AKT3: variants seen among roughly 807,000 people sequenced by gnomAD.
The protein encoded by AKT3 is AKT serine/threonine kinase 3, also known as RAC-gamma serine/threonine-protein kinase.
A neutral mutation model predicts 65.3 loss-of-function variants in AKT3; 15 were observed. The observed-to-expected ratio is 0.23, with a 90% CI of 0.15 to 0.35. The LOEUF is 0.35. AKT3 is among the 10% of genes least tolerant of loss of function. The pLI, the probability that AKT3 is intolerant of heterozygous loss-of-function variation, is 1.00. For missense variants in AKT3, 243 were observed against 576.5 expected, an observed-to-expected ratio of 0.42 and a Z score of 5.92; for synonymous variants, 206 against 183.8, an observed-to-expected ratio of 1.12 and a Z score of -0.98.
intron 4 of AKT3, among the ~76,000 whole-genome samples, chr1:243,649,313 A>ATGTGTGTG (rs55765060): frequency 6.3e-4 from 92 of 146,022 alleles, no homozygotes; most frequent in African/African-American, 2.1e-3. Context: ...TTATGTGTAT[A>ATGTGTGTG]TGTGTGTGTG....
upstream of AKT3, chr1:243,850,266 G>C (rs879037550): frequency 7.2e-4 from 113 of 156,092 alleles, no homozygotes; most frequent in East Asian, 0.018. Flanking sequence ...GAGGGAGCCG[G>C]CCGGGCCGGG....
chr1:243,674,059 T>C (rs1683338170), intron 3 of AKT3, among the ~76,000 whole-genome samples: 1 of 152,212 alleles, frequency 6.6e-6, no homozygotes, highest in African/African-American at 2.4e-5. Flanking sequence ...GTACTATGCC[T>C]AAACAGGGCT....
chr1:243,741,114 C>T (rs556380496), intron 2 of AKT3, among the ~76,000 whole-genome samples: 12 of 152,180 alleles, frequency 7.9e-5, no homozygotes, highest in Middle Eastern at 3.4e-3. Context: ...TTCCATATAT[C>T]GTCAATAAAG....
chr1:243,828,838 T>A (rs917460442), intron 2 of AKT3, among the ~76,000 whole-genome samples: 1 of 152,160 alleles, frequency 6.6e-6, no homozygotes, highest in East Asian at 1.9e-4. Flanking sequence ...GTTTCAAGCA[T>A]CAGATGTACT....
intron 6 of AKT3, among the ~76,000 whole-genome samples, chr1:243,626,564 C>A (rs1158063622): frequency 2.6e-5 from 4 of 152,106 alleles, no homozygotes; most frequent in African/African-American, 9.7e-5. Flanking sequence ...GACACAGAAC[C>A]AGGGCTTTCT....
chr1:243,618,664 A>G (rs1678515169), intron 6 of AKT3, among the ~76,000 whole-genome samples: 1 of 152,136 alleles, frequency 6.6e-6, no homozygotes, highest in Non-Finnish European at 1.5e-5. Context: ...TAAATAATGA[A>G]CTTTTAAATC....
At chr1:243,761,584 G>C (rs918814531) in intron 2 of AKT3, among the ~76,000 whole-genome samples, 1 of 152,022 alleles carries the variant, frequency 6.6e-6, no homozygotes, top group Non-Finnish European at 1.5e-5. Flanking sequence ...GTACAAAATG[G>C]GTGAACCCTA....
chr1:243,698,387 A>C (rs1685198100), intron 2 of AKT3, among the ~76,000 whole-genome samples: 1 of 152,066 alleles, frequency 6.6e-6, no homozygotes, highest in Admixed American at 6.6e-5. Context: ...TTAAAATAGT[A>C]CTGAATACAC....
intron 3 of AKT3, among the ~76,000 whole-genome samples, chr1:243,692,637 C>T (rs1684769138): frequency 6.6e-6 from 1 of 151,926 alleles, no homozygotes; most frequent in Admixed American, 6.6e-5. Context: ...ACTTGGGAGG[C>T]TGAGGCAGGA....
chr1:243,586,204 C>T (rs1675789665), intron 8 of AKT3, among the ~76,000 whole-genome samples: 1 of 152,012 alleles, frequency 6.6e-6, no homozygotes, highest in Admixed American at 6.6e-5. Context: ...AGAATGGCTG[C>T]CATTAAAATG....
downstream of AKT3, among the ~76,000 whole-genome samples, chr1:243,497,345 G>GT (rs1216755341): frequency 1.4e-5 from 2 of 140,966 alleles, no homozygotes; most frequent in African/African-American, 2.6e-5. Context: ...GGTGGGGGGG[G>GT]GGGCGTTGAG....
chr1:243,501,064 T>C lies in AKT3; in HGVS notation c.*4185A>G, dbSNP rs889493917. 2.6e-5 allele frequency: 6 copies of C among 230,442 alleles called. No individual in the cohort carries two copies. Among genetic ancestry groups the C allele is most frequent in the African/African-American group, 8.9e-5 (4 of 45,184 alleles). 14.3% of individuals were successfully genotyped at this position (230,442 alleles called of 1,614,324 possible). On this transcript the variant is annotated 3_prime_UTR_variant, in exon 14 of 14. Coordinates refer to ENST00000673466, the MANE Select transcript of AKT3 (RefSeq NM_005465.7). ...CCAGTGGTTTTGAGAGAAGAGCACA[T>C]GTGAGAATGCCCTCAAATTTGGCCG...
At chr1:243,796,175 C>T (rs1691993827) in intron 2 of AKT3, among the ~76,000 whole-genome samples, 2 of 152,228 alleles carry the variant, frequency 1.3e-5, no homozygotes, top group African/African-American at 4.8e-5. Context: ...ATAGCAGCTT[C>T]TGTCTCCTGT....
chr1:243,527,068 A>T (rs912161724), intron 12 of AKT3, among the ~76,000 whole-genome samples: 1 of 152,196 alleles, frequency 6.6e-6, no homozygotes, highest in East Asian at 1.9e-4. Context: ...TCTGGGACAG[A>T]TATGAAGATT....
At chr1:243,496,753 G>A (rs1358704678), downstream of AKT3, among the ~76,000 whole-genome samples, 1 of 152,248 alleles carries the variant, frequency 6.6e-6, no homozygotes, top group Non-Finnish European at 1.5e-5. Flanking sequence ...AACAGTTCAG[G>A]TCACCCAGAG....
chr1:243,771,762 G>A (rs923598999), intron 2 of AKT3, among the ~76,000 whole-genome samples: 2 of 152,146 alleles, frequency 1.3e-5, no homozygotes, highest in Non-Finnish European at 2.9e-5. Flanking sequence ...AAAGAAACTG[G>A]ATGCCATGCT....
At chr1:243,492,300 T>TA (rs1666669214) in intron 13 of AKT3, among the ~76,000 whole-genome samples, 1 of 113,630 alleles carries the variant, frequency 8.8e-6, no homozygotes, top group South Asian at 3.5e-4. Context: ...CTTGGCTTTT[T>TA]TTTTTTTTTT....
chr1:243,679,908 T>C (rs1330993711), intron 3 of AKT3, among the ~76,000 whole-genome samples: 1 of 152,174 alleles, frequency 6.6e-6, no homozygotes, highest in Non-Finnish European at 1.5e-5. Context: ...TTAACAAAAA[T>C]ATTTTAACAA....
chr1:243,638,472 C>T (rs1680138323), intron 5 of AKT3, among the ~76,000 whole-genome samples: 1 of 152,142 alleles, frequency 6.6e-6, no homozygotes, highest in Non-Finnish European at 1.5e-5. Flanking sequence ...TCCTGCTCTG[C>T]TCTATCAACA....
Sources: allele counts gnomAD v4.1 joint callset (sites outside exome capture counted in the v4.1 genomes callset), GRCh38; gene constraint gnomAD v4.1.1; transcripts MANE v1.5; gene names NCBI Gene and HGNC (gene_info 2026-07-23, HGNC 2026-07-21).